Variants in PDGFC observed in about 807,000 individuals in gnomAD.
PDGFC encodes platelet-derived growth factor C.
In PDGFC, 12 loss-of-function variants were observed where a neutral mutation model predicts 35.5. The observed-to-expected ratio is 0.34, with a 90% CI of 0.22 to 0.55. PDGFC has a LOEUF of 0.55. PDGFC is among the 20% of genes least tolerant of loss of function. PDGFC has a pLI of 0.91. For synonymous variants in PDGFC, 159 were observed against 148.8 expected (o/e 1.07, Z -0.50); for missense variants, 322 against 412.4 (o/e 0.78, Z 1.90).
intron 3 of PDGFC, among the ~76,000 whole-genome samples, chr4:156,803,812 C>T (rs1340489289): frequency 6.6e-6 from 1 of 152,046 alleles, no homozygotes; most frequent in African/African-American, 2.4e-5. Context: ...ATTTTACTAA[C>T]AGTATCTAAC....
chr4:156,773,503 C>A (rs1435965501), intron 3 of PDGFC, among the ~76,000 whole-genome samples: 2 of 151,982 alleles, frequency 1.3e-5, no homozygotes, highest in Non-Finnish European at 2.9e-5. Context: ...AACACACTGA[C>A]AAACTATGTG....
chr4:156,814,602 A>C (rs1047522928), intron 2 of PDGFC, among the ~76,000 whole-genome samples: 2 of 152,106 alleles, frequency 1.3e-5, no homozygotes, highest in African/African-American at 4.8e-5. Flanking sequence ...CTTCCTAATA[A>C]AAAAAGCATC....
chr4:156,836,741 G>C (rs1253555842), intron 2 of PDGFC, among the ~76,000 whole-genome samples: 1 of 152,144 alleles, frequency 6.6e-6, no homozygotes, highest in East Asian at 1.9e-4. Flanking sequence ...CATTTAACTT[G>C]GAAGGACTTT....
chr4:156,951,747 C>A (rs201188058), intron 1 of PDGFC, among the ~76,000 whole-genome samples: 4,140 of 136,772 alleles, frequency 0.03, 63 homozygotes, highest in Non-Finnish European at 0.033. Flanking sequence ...AAAAAAAAAA[C>A]AAAAAACCCT....
chr4:156,817,050 A>G (rs1732106711), intron 2 of PDGFC, among the ~76,000 whole-genome samples: 1 of 152,216 alleles, frequency 6.6e-6, no homozygotes, highest in Admixed American at 6.5e-5. Flanking sequence ...CTCACAACAC[A>G]TGAATGGGTA....
At chr4:156,928,903 ACTGT>A (rs1731483157) in intron 1 of PDGFC, among the ~76,000 whole-genome samples, 1 of 152,216 alleles carries the variant, frequency 6.6e-6, no homozygotes, top group Admixed American at 6.5e-5. Context: ...TCTTAAGAGA[ACTGT>A]CTGTTAACAA....
intron 1 of PDGFC, among the ~76,000 whole-genome samples, chr4:156,906,020 G>A (rs564039780): frequency 6.6e-6 from 1 of 152,064 alleles, no homozygotes; most frequent in Non-Finnish European, 1.5e-5. Context: ...ACTTGTGTAA[G>A]TATACACAGA....
chr4:156,926,265 G>A (rs1311061300), intron 1 of PDGFC, among the ~76,000 whole-genome samples: 3 of 152,022 alleles, frequency 2.0e-5, no homozygotes, highest in African/African-American at 4.8e-5. Flanking sequence ...TAAGTGCTTA[G>A]GATCTTAATG....
chr4:156,819,509 C>G (rs1732188809), intron 2 of PDGFC, among the ~76,000 whole-genome samples: 1 of 152,152 alleles, frequency 6.6e-6, no homozygotes, highest in Non-Finnish European at 1.5e-5. Flanking sequence ...AACAACAAAG[C>G]CTGGATGATG....
At chr4:156,895,074 T>A (rs1308759725) in intron 1 of PDGFC, among the ~76,000 whole-genome samples, 1 of 152,154 alleles carries the variant, frequency 6.6e-6, no homozygotes, top group Non-Finnish European at 1.5e-5. Flanking sequence ...CCTGTTCCTC[T>A]CACAGAAGCT....
At chr4:156,811,866 T>C (rs191575330) in intron 2 of PDGFC, among the ~76,000 whole-genome samples, 216 of 152,084 alleles carry the variant, frequency 1.4e-3, no homozygotes, top group East Asian at 2.1e-3. Context: ...AAGGGAGTGA[T>C]TGAAATGTAG....
intron 1 of PDGFC, among the ~76,000 whole-genome samples, chr4:156,879,406 A>G (rs746063138): frequency 2.3e-4 from 35 of 152,216 alleles, no homozygotes; most frequent in Non-Finnish European, 1.5e-4. Flanking sequence ...AAAGCTTTAT[A>G]GATTTCAATT....
intron 2 of PDGFC, among the ~76,000 whole-genome samples, chr4:156,849,776 C>G (rs2111080294): frequency 6.6e-6 from 1 of 151,994 alleles, no homozygotes; most frequent in East Asian, 1.9e-4. Context: ...GGTATGTATC[C>G]AGGTAATATG....
intron 1 of PDGFC, among the ~76,000 whole-genome samples, chr4:156,932,315 C>T (rs577044389): frequency 6.6e-6 from 1 of 152,152 alleles, no homozygotes; most frequent in Admixed American, 6.5e-5. Context: ...TGAAGTAAGG[C>T]CATTTTCACG....
chr4:156,960,252 T>TTATATATATATA (rs202066963), intron 1 of PDGFC, among the ~76,000 whole-genome samples: 45 of 137,120 alleles, frequency 3.3e-4, no homozygotes, highest in African/African-American at 1.1e-3. Context: ...TATATAACTG[T>TTATATATATATA]TATATATATA....
intron 1 of PDGFC, among the ~76,000 whole-genome samples, chr4:156,868,112 G>A (rs545432707): frequency 6.6e-6 from 1 of 152,226 alleles, no homozygotes; most frequent in East Asian, 1.9e-4. Flanking sequence ...ACCGCACCCA[G>A]CCAAGACCAA....
intron 1 of PDGFC, among the ~76,000 whole-genome samples, chr4:156,903,954 T>C (rs1730854413): frequency 2.0e-5 from 3 of 152,178 alleles, no homozygotes; most frequent in Admixed American, 6.5e-5. Context: ...TGTGATTTAA[T>C]GTTCATAGTG....
chr4:156,923,982 C>T (rs1312057457), intron 1 of PDGFC, among the ~76,000 whole-genome samples: 1 of 152,148 alleles, frequency 6.6e-6, no homozygotes, highest in African/African-American at 2.4e-5. Flanking sequence ...CTGGGAATTG[C>T]TGATGTCTAT....
At position 156,859,555 on chromosome 4, in the gene PDGFC, C is replaced by T. The variant is rs191704771; in HGVS notation, c.119-9139G>A. On this transcript the variant is annotated intron_variant, in intron 1 of 5. Transcript: ENST00000502773. ...TAAATAAAGGGCAATTATCCTAGGA[C>T]ATGATTGCCCCTCAAAGGCTAAGTT... Among the ~76,000 whole-genome samples, 66 of 152,204 alleles carry T rather than the reference C, an allele frequency of 4.3e-4. No homozygotes were observed. The East Asian group carries it at 0.011, about 26-fold the overall frequency.
Sources: gnomAD v4.1 joint callset for allele counts (sites outside exome capture counted in the v4.1 genomes callset) on GRCh38, gnomAD v4.1.1 for gene constraint, MANE v1.5 for transcripts, NCBI Gene and HGNC (gene_info 2026-07-23, HGNC 2026-07-21) for gene names.